Variants in ARID1B observed in about 807,000 individuals in gnomAD.
ARID1B encodes AT-rich interactive domain-containing protein 1B.
Under a neutral mutation model 212.3 loss-of-function variants are expected in ARID1B, and 30 were observed. That is an observed-to-expected ratio of 0.14 (90% CI 0.11 to 0.19). ARID1B has a LOEUF of 0.19. Among genes scored for constraint, ARID1B ranks in the 10% least tolerant of loss-of-function variants. The probability of loss-of-function intolerance (pLI) is 1.00; values close to 1 mark genes in which losing one functional copy is unlikely to be tolerated. For missense variants in ARID1B, 2,891 were observed against 3,204.0 expected (o/e 0.90, Z 2.36); for synonymous variants, 1,402 against 1,301.7 (o/e 1.08, Z -1.66).
rs1312924715 is a variant in ARID1B at position 157,201,281 on chromosome 6, C to G, written c.5056C>G (p.Leu1686Val). 6.2e-7 allele frequency: 1 copy of G among 1,614,164 alleles called. No homozygotes were observed. The highest frequency in any genetic ancestry group is 8.5e-7 in the Non-Finnish European group (1 of 1,180,022). The part of the protein sequence containing the change: ...APSPASFQRS[L>V]ENRMSPSKSP... ...CAGCCCAGCGTCCTTCCAGCGCTCC[C>G]TGGAGAACCGCATGTCTCCAAGCAA... Residue 1686 changes from leucine to valine, a missense_variant, in exon 18 of 20, where the codon CTG becomes GTG. Leu to Val is a conservative substitution (Grantham distance 32). Coordinates refer to ENST00000636930, the MANE Select transcript of ARID1B (RefSeq NM_001374828.1). The surrounding 1 kb of genome is among the most constrained non-coding windows in gnomAD (Gnocchi z 5.2).
At chr6:156,836,558 C>T (rs1192283486) in intron 2 of ARID1B, among the ~76,000 whole-genome samples, 2 of 152,218 alleles carry the variant, frequency 1.3e-5, no homozygotes, top group African/African-American at 4.8e-5. Flanking sequence ...AAATCTGGAT[C>T]TCACTGTGCT....
At chr6:156,796,695 C>CA (rs1780404761) in intron 1 of ARID1B, among the ~76,000 whole-genome samples, 1 of 152,220 alleles carries the variant, frequency 6.6e-6, no homozygotes, top group Non-Finnish European at 1.5e-5. Context: ...CCTCCTCTTC[C>CA]AGGCATAGAG....
intron 3 of ARID1B, among the ~76,000 whole-genome samples, chr6:156,935,213 C>T (rs1792096898): frequency 6.6e-6 from 1 of 151,652 alleles, no homozygotes; most frequent in South Asian, 2.1e-4. Flanking sequence ...CCACCTCAGC[C>T]TCCCAAGTAG....
intron 5 of ARID1B, among the ~76,000 whole-genome samples, chr6:157,107,571 C>T (rs1786585671): frequency 6.6e-6 from 1 of 152,116 alleles, no homozygotes; most frequent in African/African-American, 2.4e-5. Context: ...GTGCACGTGG[C>T]TGTGTGTGTT....
rs533451335 is a variant in ARID1B at position 156,893,694 on chromosome 6, C to A, written c.1987-7682C>A. Reference sequence around the variant, plus strand: ...TGAAAAGGTACTCAACAGCACTGATCATTAGAGAAATGCAAATTTCACAAT... The same window carrying A: ...TGAAAAGGTACTCAACAGCACTGATAATTAGAGAAATGCAAATTTCACAAT... On this transcript the variant is annotated intron_variant, in intron 2 of 19. Transcript: ENST00000636930. Among the ~76,000 whole-genome samples the A allele has an allele frequency of 8.5e-5, 13 of 152,252 alleles. No individual in the cohort carries two copies. The South Asian group carries it at 2.7e-3, about 32-fold the overall frequency.
Position 157,206,068 on chromosome 6 carries a change from AG to A in ARID1B, c.5395-97del. 1.6e-6 allele frequency: 2 copies of A among 1,270,708 alleles called. No homozygotes were observed. Among genetic ancestry groups the A allele is most frequent in the Non-Finnish European group, 2.2e-6 (2 of 912,850 alleles). The allele number at this position is 1,270,708 out of a possible 1,614,324, so 78.7% of individuals were successfully genotyped here. A position where few individuals can be genotyped will look rare whatever the true frequency, so the allele number is the denominator to read the frequency against. On this transcript the variant is annotated intron_variant, in intron 19 of 19. Transcript: ENST00000636930. This position sits in a 1 kb window ranked among gnomAD's most constrained non-coding sequence, Gnocchi z 6.8. ...AGACAAACGTGTGACAATGATGGAA[AG>A]GTATTGACGGGTCTCAGGATCTTTA...
rs1791531304 is a variant in ARID1B, at chr6:156,929,601, T to C, written c.2137-5865T>C. Among the ~76,000 whole-genome samples, 3 of 152,258 alleles carry C rather than the reference T, an allele frequency of 2.0e-5. No homozygotes were observed. The South Asian group carries it at 6.2e-4, about 31-fold the overall frequency. On this transcript the variant is annotated intron_variant, in intron 3 of 19. Coordinates refer to ENST00000636930, the MANE Select transcript of ARID1B (RefSeq NM_001374828.1). Reference sequence around the variant, plus strand: ...TCGTCATTCATTCCCTCATTCTGAATTATTGCAAGATAATAACAATGTGGC... The same window carrying C: ...TCGTCATTCATTCCCTCATTCTGAACTATTGCAAGATAATAACAATGTGGC...
In ARID1B at chr6:157,190,359, C is replaced by G. The variant is rs1427217728; in HGVS notation, c.4231+149C>G. ...GGTCCCCATCCTACTCCACTTGTGGCCTTGGGAAAAGCAGTTAGCCTCTTT... is the reference window on the plus strand; with the variant it reads ...GGTCCCCATCCTACTCCACTTGTGGGCTTGGGAAAAGCAGTTAGCCTCTTT... On this transcript the variant is annotated intron_variant, in intron 15 of 19. Transcript: ENST00000636930. This position sits in a 1 kb window ranked among gnomAD's most constrained non-coding sequence, Gnocchi z 4.6. 3 of 1,044,692 alleles carry G rather than the reference C, an allele frequency of 2.9e-6. No homozygotes were observed. The East Asian group carries it at 8.0e-5, about 28-fold the overall frequency. The allele number at this position is 1,044,692 out of a possible 1,614,324, so 64.7% of individuals were successfully genotyped here.
intron 2 of ARID1B, among the ~76,000 whole-genome samples, chr6:156,858,609 G>A (rs1785108738): frequency 6.6e-6 from 1 of 151,896 alleles, no homozygotes; most frequent in Non-Finnish European, 1.5e-5. Flanking sequence ...CTACTAAAAA[G>A]TATACAAAAA....
At chr6:157,181,372 G>A (rs529291834) in intron 12 of ARID1B, among the ~76,000 whole-genome samples, 194 bp downstream of exon 12, 3 of 152,092 alleles carry the variant, frequency 2.0e-5, no homozygotes, top group Non-Finnish European at 2.9e-5. Context: ...CCACCAACTC[G>A]CAGCGTGACC....
chr6:157,132,762 C>T (rs1024516856), intron 6 of ARID1B, among the ~76,000 whole-genome samples: 1 of 152,154 alleles, frequency 6.6e-6, no homozygotes. Context: ...TGCCTTTTCT[C>T]CTCCTTCTCC....
intron 6 of ARID1B, among the ~76,000 whole-genome samples, chr6:157,121,520 G>T (rs929145333): frequency 5.3e-5 from 8 of 151,450 alleles, no homozygotes; most frequent in Non-Finnish European, 1.0e-4. Flanking sequence ...TTATAAGGAT[G>T]TCATAAATCA....
chr6:156,935,314 A>G (rs1435309949), intron 3 of ARID1B, 152 bp from the exon 4 acceptor site: 5 of 610,920 alleles, frequency 8.2e-6, no homozygotes, highest in Non-Finnish European at 1.2e-5. Flanking sequence ...TCCTGGGCTC[A>G]AGCGATCTGC....
At chr6:156,830,954 A>G (rs1583121777) in intron 2 of ARID1B, among the ~76,000 whole-genome samples, 1 of 152,148 alleles carries the variant, frequency 6.6e-6, no homozygotes, top group South Asian at 2.1e-4. Flanking sequence ...TCACTTCTCA[A>G]TTATTGAAGG....
chr6:156,809,162 A>C (rs958210035), intron 1 of ARID1B, among the ~76,000 whole-genome samples: 6 of 152,188 alleles, frequency 3.9e-5, no homozygotes, highest in African/African-American at 1.2e-4. Flanking sequence ...ATAAAGGCTC[A>C]GTCTGTTTCA....
chr6:157,032,551 C>T (rs1321972864), intron 4 of ARID1B, among the ~76,000 whole-genome samples: 1 of 152,120 alleles, frequency 6.6e-6, no homozygotes, highest in African/African-American at 2.4e-5. Context: ...ACAGGCCCAC[C>T]ATAGATGTTG....
intron 4 of ARID1B, among the ~76,000 whole-genome samples, chr6:156,965,136 T>C (rs1794654883): frequency 6.6e-6 from 1 of 152,250 alleles, no homozygotes; most frequent in Non-Finnish European, 1.5e-5. Flanking sequence ...TCCTCTACTT[T>C]TCTTTTGCAT....
chr6:157,186,674 T>TA (rs1341595298), intron 13 of ARID1B: 4 of 375,354 alleles, frequency 1.1e-5, no homozygotes, highest in African/African-American at 6.4e-5. Context: ...AAATTTACGG[T>TA]AAAAATGTAT....
intron 7 of ARID1B, among the ~76,000 whole-genome samples, chr6:157,135,672 C>T (rs935639748): frequency 6.6e-6 from 1 of 152,190 alleles, no homozygotes; most frequent in Admixed American, 6.5e-5. Flanking sequence ...CTCCTGTCCT[C>T]AGCAAACACT....
Sources: allele counts gnomAD v4.1 joint callset (sites outside exome capture counted in the v4.1 genomes callset), GRCh38; gene constraint gnomAD v4.1.1; non-coding constraint Gnocchi (gnomAD v3.1); transcripts MANE v1.5; gene names NCBI Gene and HGNC (gene_info 2026-07-23, HGNC 2026-07-21).